MARK1: variants seen among roughly 807,000 people sequenced by gnomAD.
MARK1 encodes serine/threonine-protein kinase MARK1.
Under a neutral mutation model 96.3 loss-of-function variants are expected in MARK1, and 40 were observed. The observed-to-expected ratio is 0.42, with a 90% CI of 0.32 to 0.54. The LOEUF is 0.54. Among genes scored for constraint, MARK1 ranks in the 20% least tolerant of loss-of-function variants. The pLI is 0.16. For synonymous variants in MARK1, 317 were observed against 341.2 expected (o/e 0.93, Z 0.78); for missense variants, 719 against 984.6 (o/e 0.73, Z 3.61).
At chr1:220,592,403 C>T (rs748693815) in intron 3 of MARK1, among the ~76,000 whole-genome samples, 1 of 151,964 alleles carries the variant, frequency 6.6e-6, no homozygotes, top group South Asian at 2.1e-4. Context: ...CCCTAGCTGA[C>T]AGCCACCAAG....
At chr1:220,597,318 C>T (rs567843004) in intron 3 of MARK1, among the ~76,000 whole-genome samples, 4 of 152,106 alleles carry the variant, frequency 2.6e-5, no homozygotes, top group Middle Eastern at 3.4e-3. Flanking sequence ...GAGGCTTTAT[C>T]GTTTGTCATT....
At chr1:220,581,334 T>C (rs1458827553) in intron 3 of MARK1, among the ~76,000 whole-genome samples, 1 of 152,172 alleles carries the variant, frequency 6.6e-6, no homozygotes, top group African/African-American at 2.4e-5. Flanking sequence ...ATGAAAGAAA[T>C]GTATCTCTTC....
chr1:220,599,589 CAAGAAG>C (rs1665603382), intron 4 of MARK1, among the ~76,000 whole-genome samples: 1 of 152,028 alleles, frequency 6.6e-6, no homozygotes, highest in African/African-American at 2.4e-5. Flanking sequence ...TTTTTCAACT[CAAGAAG>C]TTGGTTCTAA....
intron 13 of MARK1, among the ~76,000 whole-genome samples, chr1:220,645,552 T>A (rs1345561756): frequency 1.3e-5 from 2 of 152,236 alleles, no homozygotes; most frequent in Non-Finnish European, 2.9e-5. Flanking sequence ...GACTCCTCCC[T>A]GACTCATTCT....
intron 13 of MARK1, among the ~76,000 whole-genome samples, chr1:220,644,828 C>G (rs1308213576): frequency 2.0e-5 from 3 of 152,124 alleles, no homozygotes; most frequent in Non-Finnish European, 4.4e-5. Context: ...TGAATGACTT[C>G]TGGGTAAATA....
chr1:220,552,479 T>C (rs1046130187), intron 1 of MARK1, among the ~76,000 whole-genome samples: 1 of 152,094 alleles, frequency 6.6e-6, no homozygotes, highest in African/African-American at 2.4e-5. Flanking sequence ...ATCAAAACAA[T>C]CTTCAAAAGA....
intron 13 of MARK1, among the ~76,000 whole-genome samples, chr1:220,642,797 G>A (rs1055646464): frequency 2.6e-5 from 4 of 152,180 alleles, no homozygotes; most frequent in African/African-American, 9.7e-5. Flanking sequence ...CTGTTCTGCA[G>A]CCTCCACTGG....
intron 11 of MARK1, among the ~76,000 whole-genome samples, chr1:220,632,819 G>A (rs539939197): frequency 8.1e-4 from 124 of 152,350 alleles, no homozygotes; most frequent in Admixed American, 1.4e-3. Context: ...ATAATAAGGA[G>A]ATGGATTCAG....
Position 220,618,829 on chromosome 1 carries a change from C to A in MARK1, c.909+74C>A. ...TCCAGGAACCGAAGAGCATTTTTCT[C>A]CTATGTTTTCTTAGGAAAATTGCCA... On this transcript the variant is annotated intron_variant, in intron 9 of 17. Transcript: ENST00000366917. The surrounding 1 kb of genome is among the most constrained non-coding windows in gnomAD (Gnocchi z 4.6). 2.3e-6 allele frequency: 3 copies of A among 1,324,070 alleles called. No homozygotes were observed. The highest frequency in any genetic ancestry group is 3.0e-6 in the Non-Finnish European group (3 of 985,092). 82.0% of individuals were successfully genotyped at this position (1,324,070 alleles called of 1,614,324 possible).
Position 220,577,520 on chromosome 1 carries a change from A to G in MARK1, c.52-1834A>G, listed in dbSNP as rs542222554. Among the ~76,000 whole-genome samples the G allele has an allele frequency of 3.3e-5, 5 of 152,344 alleles. No homozygotes were observed. The East Asian group carries it at 9.6e-4, about 29-fold the overall frequency. On this transcript the variant is annotated intron_variant, in intron 1 of 17. Coordinates refer to ENST00000366917, the MANE Select transcript of MARK1 (RefSeq NM_018650.5). Reference sequence around the variant, plus strand: ...CAGTTCTCAAATGTTGGCATGCATCAGAATCACCTGGAAAACTTGTTGAAA... The same window carrying G: ...CAGTTCTCAAATGTTGGCATGCATCGGAATCACCTGGAAAACTTGTTGAAA...
intron 7 of MARK1, 71 bp downstream of exon 7, chr1:220,616,066 G>C (rs1666731444): frequency 1.3e-6 from 1 of 760,874 alleles, no homozygotes; most frequent in African/African-American, 1.8e-5. Context: ...AATAATATTA[G>C]AGCTGTCTAT....
chr1:220,530,568 C>T (rs1572028054), intron 1 of MARK1, among the ~76,000 whole-genome samples: 1 of 152,200 alleles, frequency 6.6e-6, no homozygotes, highest in East Asian at 1.9e-4. Flanking sequence ...AATAGTATAG[C>T]TTTTCTCATA....
intron 1 of MARK1, among the ~76,000 whole-genome samples, chr1:220,554,553 G>C (rs1323418540): frequency 6.6e-6 from 1 of 152,168 alleles, no homozygotes; most frequent in African/African-American, 2.4e-5. Flanking sequence ...ACTAAATTAT[G>C]ACATAAGGGT....
chr1:220,575,084 G>A (rs530025352), intron 1 of MARK1, among the ~76,000 whole-genome samples: 104 of 152,280 alleles, frequency 6.8e-4, no homozygotes, highest in Non-Finnish European at 1.1e-3. Flanking sequence ...TATTAAAGGC[G>A]GGGAAAATTC....
rs755786893 is a variant in MARK1, at chr1:220,636,021, C to A, written c.1465C>A (p.Pro489Thr). 1 of 1,606,614 alleles carries A rather than the reference C, an allele frequency of 6.2e-7. No individual in the cohort carries two copies. Among genetic ancestry groups the A allele is most frequent in the Admixed American group, 1.7e-5 (1 of 58,822 alleles). The change falls in exon 13 of 18, where the codon CCA (proline) becomes ACA (threonine). Residue 489 changes from proline to threonine, a missense_variant. Pro to Thr is a conservative substitution (Grantham distance 38). Coordinates refer to ENST00000366917, the MANE Select transcript of MARK1 (RefSeq NM_018650.5). ...GPERKKSSTI[P>T]SNNVYSGGSM... ...AGAGAGGAAAAAATCTTCAACTATT[C>A]CAAGTGTGAGTAAATACTCTGGTAT...
At chr1:220,659,693 C>T (rs1669364140) in intron 17 of MARK1, among the ~76,000 whole-genome samples, 1 of 152,094 alleles carries the variant, frequency 6.6e-6, no homozygotes, top group African/African-American at 2.4e-5. Context: ...GTCTTAAGGT[C>T]ATCTTAAGGT....
chr1:220,626,240 G>A, intron 9 of MARK1: 1 of 529,964 alleles, frequency 1.9e-6, no homozygotes, highest in Non-Finnish European at 3.7e-6. Context: ...TATCACCAGA[G>A]GGTGCTGTAT....
intron 1 of MARK1, among the ~76,000 whole-genome samples, chr1:220,561,747 G>C (rs1243679209): frequency 6.6e-6 from 1 of 152,206 alleles, no homozygotes; most frequent in Admixed American, 6.5e-5. Flanking sequence ...TGAATGAAGA[G>C]ACAGTATGTT....
intron 1 of MARK1, among the ~76,000 whole-genome samples, chr1:220,566,033 T>C (rs905217753): frequency 1.3e-5 from 2 of 152,234 alleles, no homozygotes; most frequent in Non-Finnish European, 2.9e-5. Context: ...TTACTAGCTG[T>C]GTGACATTTG....
Sources: gnomAD v4.1 joint callset for allele counts (sites outside exome capture counted in the v4.1 genomes callset) on GRCh38, gnomAD v4.1.1 for gene constraint, Gnocchi (gnomAD v3.1) non-coding constraint, MANE v1.5 for transcripts, NCBI Gene and HGNC (gene_info 2026-07-23, HGNC 2026-07-21) for gene names.